The following FSTL5 variants were observed in gnomAD, a reference collection of about 807,000 sequenced individuals.
The protein encoded by FSTL5 is follistatin-related protein 5.
FSTL5 carries 62 observed loss-of-function variants against 89.1 expected under a neutral mutation model. The observed-to-expected ratio is 0.70, with a 90% CI of 0.57 to 0.86. The LOEUF is 0.86. FSTL5 is among the 40% of genes least tolerant of loss of function. The pLI is 0.00. For synonymous variants in FSTL5, 383 were observed against 346.2 expected (o/e 1.11, Z -1.18); for missense variants, 1,057 against 1,001.6 (o/e 1.06, Z -0.75).
intron 4 of FSTL5, among the ~76,000 whole-genome samples, chr4:161,832,729 C>T (rs1214203545): frequency 6.6e-6 from 1 of 151,508 alleles, no homozygotes; most frequent in Non-Finnish European, 1.5e-5. Context: ...TGGTGATATC[C>T]CCTTTATCAT....
intron 7 of FSTL5, among the ~76,000 whole-genome samples, chr4:161,591,802 T>A (rs995987516): frequency 1.3e-5 from 2 of 152,172 alleles, no homozygotes; most frequent in African/African-American, 4.8e-5. Context: ...ACATTTCATC[T>A]ATATACTAAA....
At chr4:161,785,912 T>C (rs1305318009) in intron 4 of FSTL5, among the ~76,000 whole-genome samples, 3 of 152,122 alleles carry the variant, frequency 2.0e-5, no homozygotes, top group Non-Finnish European at 2.9e-5. Context: ...ATCTCAGTCA[T>C]GCTTTGTCTC....
chr4:161,998,479 AT>A (rs1201574476), intron 3 of FSTL5, among the ~76,000 whole-genome samples: 1 of 151,782 alleles, frequency 6.6e-6, no homozygotes, highest in African/African-American at 2.4e-5. Flanking sequence ...CTCTCCTGTA[AT>A]TTTTCTTTAA....
At chr4:161,906,295 AC>A (rs1733525472) in intron 4 of FSTL5, among the ~76,000 whole-genome samples, 2 of 152,302 alleles carry the variant, frequency 1.3e-5, no homozygotes, top group East Asian at 3.9e-4. Flanking sequence ...AGAGGGAGGA[AC>A]AACGGCACCA....
chr4:161,550,554 CTTTTTTATTTA>C (rs1260948948), intron 8 of FSTL5, among the ~76,000 whole-genome samples: 2 of 98,874 alleles, frequency 2.0e-5, no homozygotes, highest in Admixed American at 2.5e-4. Context: ...TCAGTAACTT[CTTTTTTATTTA>C]TTTATTTATT....
At chr4:161,634,358 A>C (rs1201274161) in intron 7 of FSTL5, among the ~76,000 whole-genome samples, 1 of 152,236 alleles carries the variant, frequency 6.6e-6, no homozygotes, top group East Asian at 1.9e-4. Flanking sequence ...CCTAAGCTAT[A>C]AATCAATCAT....
intron 4 of FSTL5, among the ~76,000 whole-genome samples, chr4:161,865,034 T>C (rs1007009607): frequency 2.6e-5 from 4 of 151,872 alleles, no homozygotes; most frequent in African/African-American, 9.7e-5. Flanking sequence ...CAGAGTTACA[T>C]AGAAAAGCAG....
chr4:161,589,000 T>TC (rs1338619657), intron 7 of FSTL5, among the ~76,000 whole-genome samples: 2 of 136,398 alleles, frequency 1.5e-5, no homozygotes, highest in Non-Finnish European at 3.1e-5. Flanking sequence ...CCCTAATGTT[T>TC]TTTTTTTTTT....
intron 6 of FSTL5, among the ~76,000 whole-genome samples, chr4:161,742,080 C>A (rs1740048095): frequency 6.6e-6 from 1 of 151,738 alleles, no homozygotes; most frequent in African/African-American, 2.4e-5. Context: ...TTGGATAATA[C>A]TTTGGTATAG....
In FSTL5 at chr4:161,745,980, T is replaced by G. The variant is rs115559620; in HGVS notation, c.727+13431A>C. On this transcript the variant is annotated intron_variant, in intron 6 of 15. Transcript: ENST00000306100. Reference sequence around the variant, plus strand: ...TAAAAAACAAATGTTAAATTTTAACTTTAAAACTTTAGACAAGTTCAATTT... The same window carrying G: ...TAAAAAACAAATGTTAAATTTTAACGTTAAAACTTTAGACAAGTTCAATTT... Among the ~76,000 whole-genome samples the G allele has an allele frequency of 5.5e-3, 833 of 152,330 alleles. 7 individuals carry two copies. The highest frequency in any genetic ancestry group is 0.019 in the African/African-American group (782 of 41,586).
intron 7 of FSTL5, among the ~76,000 whole-genome samples, chr4:161,623,214 A>G (rs1196660825): frequency 6.6e-6 from 1 of 152,046 alleles, no homozygotes; most frequent in African/African-American, 2.4e-5. Flanking sequence ...ATATGTAAGA[A>G]AAGAAAAGTT....
chr4:161,911,864 T>G (rs1057244116), intron 4 of FSTL5, among the ~76,000 whole-genome samples: 2 of 152,214 alleles, frequency 1.3e-5, no homozygotes, highest in African/African-American at 4.8e-5. Flanking sequence ...AGAATTTCCT[T>G]TATTTAATGT....
At chr4:161,866,422 T>G (rs1168286417) in intron 4 of FSTL5, among the ~76,000 whole-genome samples, 2 of 151,192 alleles carry the variant, frequency 1.3e-5, no homozygotes, top group African/African-American at 2.4e-5. Context: ...TATCATGAGG[T>G]GTTAAATTTT....
At chr4:161,629,863 G>A (rs1434680856) in intron 7 of FSTL5, among the ~76,000 whole-genome samples, 2 of 152,216 alleles carry the variant, frequency 1.3e-5, no homozygotes, top group Non-Finnish European at 2.9e-5. Flanking sequence ...AGAGGGGAAA[G>A]CTATCCCCTG....
At chr4:161,453,060 T>C (rs900699185) in intron 15 of FSTL5, among the ~76,000 whole-genome samples, 4 of 152,138 alleles carry the variant, frequency 2.6e-5, no homozygotes, top group African/African-American at 7.2e-5. Flanking sequence ...GAATTACAAA[T>C]AGCACTTACT....
intron 4 of FSTL5, among the ~76,000 whole-genome samples, chr4:161,904,552 G>A (rs1733466130): frequency 6.6e-6 from 1 of 151,778 alleles, no homozygotes; most frequent in Non-Finnish European, 1.5e-5. Context: ...CAATTTCCAT[G>A]AAAATTCTTT....
At chr4:161,856,910 G>C (rs921709020) in intron 4 of FSTL5, among the ~76,000 whole-genome samples, 2 of 152,090 alleles carry the variant, frequency 1.3e-5, no homozygotes, top group African/African-American at 4.8e-5. Flanking sequence ...AAGCCAGATT[G>C]TGGTTAGCAT....
At chr4:161,468,244 ATTT>A (rs35455811) in intron 13 of FSTL5, among the ~76,000 whole-genome samples, 35 of 143,172 alleles carry the variant, frequency 2.4e-4, no homozygotes, top group Non-Finnish European at 2.8e-4. Flanking sequence ...AAGTGCCTAC[ATTT>A]TTTTTTTTTT....
chr4:161,624,599 T>C (rs17041257), intron 7 of FSTL5, among the ~76,000 whole-genome samples: 1,629 of 151,988 alleles, frequency 0.011, 26 homozygotes, highest in African/African-American at 0.037. Flanking sequence ...TGATTGTAAA[T>C]TTATTATGAT....
Sources: allele counts gnomAD v4.1 joint callset (sites outside exome capture counted in the v4.1 genomes callset), GRCh38; gene constraint gnomAD v4.1.1; transcripts MANE v1.5; gene names NCBI Gene and HGNC (gene_info 2026-07-23, HGNC 2026-07-21).